QTMAN: variants seen among roughly 807,000 people sequenced by gnomAD.
QTMAN encodes the protein queuosine-tRNA mannosyltransferase, also known as tRNA-queuosine alpha-mannosyltransferase.
At chr2:143,952,007 T>C in the QTMAN span, 2 of 1,585,132 alleles carry the variant, frequency 1.3e-6, no homozygotes, top group Non-Finnish European at 1.7e-6. Context: ...TCTTATAATA[T>C]CTGGTCTCTT....
At chr2:144,006,091 A>T in the QTMAN span, 1 of 152,150 alleles carries the variant, frequency 6.6e-6, no homozygotes, top group South Asian at 2.1e-4. Flanking sequence ...ACTCTGTCAC[A>T]TTCGAAGTAA....
At chr2:144,287,134 G>T in the QTMAN span, among the ~76,000 whole-genome samples, 4 of 152,178 alleles carry the variant, frequency 2.6e-5, no homozygotes, top group African/African-American at 9.7e-5. Context: ...TGACTGCAGA[G>T]ATTAATGATA....
the QTMAN span, among the ~76,000 whole-genome samples, chr2:144,019,470 GTGTGTGTGTGTGTA>G: frequency 1.9e-4 from 28 of 147,024 alleles, no homozygotes; most frequent in East Asian, 3.9e-4. Context: ...GTGTGTGTGT[GTGTGTGTGTGTGTA>G]TGTAGTTTTA....
the QTMAN span, among the ~76,000 whole-genome samples, chr2:144,040,676 T>G: frequency 6.6e-6 from 1 of 152,034 alleles, no homozygotes; most frequent in Admixed American, 6.5e-5. Context: ...AAATAACAGT[T>G]TATGAGGAAA....
chr2:143,957,589 T>A, the QTMAN span, among the ~76,000 whole-genome samples: 1 of 152,080 alleles, frequency 6.6e-6, no homozygotes, highest in African/African-American at 2.4e-5. Flanking sequence ...GTCTGCTTCA[T>A]AAAACTCGCT....
At chr2:144,012,091 C>T in the QTMAN span, among the ~76,000 whole-genome samples, 5 of 152,210 alleles carry the variant, frequency 3.3e-5, no homozygotes, top group African/African-American at 1.2e-4. Flanking sequence ...CAACTCCTTT[C>T]CAACCAATAG....
chr2:144,206,425 T>C, the QTMAN span, among the ~76,000 whole-genome samples: 3 of 152,204 alleles, frequency 2.0e-5, no homozygotes, highest in Admixed American at 6.5e-5. Flanking sequence ...CTTAGTATCA[T>C]GCTATCAAGT....
the QTMAN span, among the ~76,000 whole-genome samples, chr2:144,030,953 C>T: frequency 2.6e-5 from 4 of 152,162 alleles, no homozygotes; most frequent in African/African-American, 7.2e-5. Flanking sequence ...TGTCTTCCTA[C>T]AGCATGAATC....
the QTMAN span, among the ~76,000 whole-genome samples, chr2:144,252,725 T>C: frequency 6.6e-6 from 1 of 152,194 alleles, no homozygotes; most frequent in Non-Finnish European, 1.5e-5. Flanking sequence ...TACCATGCAA[T>C]CCAGCAACTG....
At chr2:144,051,496 AG>A in the QTMAN span, among the ~76,000 whole-genome samples, 4 of 152,146 alleles carry the variant, frequency 2.6e-5, no homozygotes, top group Admixed American at 6.5e-5. Flanking sequence ...CTCCAGCCTG[AG>A]TGACAGTGAG....
At chr2:144,096,407 T>C in the QTMAN span, among the ~76,000 whole-genome samples, 1 of 152,232 alleles carries the variant, frequency 6.6e-6, no homozygotes, top group Non-Finnish European at 1.5e-5. Context: ...CAAAACACCA[T>C]ATGGACCTAA....
At chr2:144,139,840 ATAT>A in the QTMAN span, among the ~76,000 whole-genome samples, 1 of 152,052 alleles carries the variant, frequency 6.6e-6, no homozygotes, top group African/African-American at 2.4e-5. Context: ...AATATCCATT[ATAT>A]TATATAGCGC....
At chr2:144,101,218 A>G in the QTMAN span, among the ~76,000 whole-genome samples, 1 of 152,014 alleles carries the variant, frequency 6.6e-6, no homozygotes, top group Non-Finnish European at 1.5e-5. Flanking sequence ...GCAACAGGGG[A>G]GTTCAAGACA....
chr2:143,987,483 G>GACTT, the QTMAN span, among the ~76,000 whole-genome samples: 1 of 152,188 alleles, frequency 6.6e-6, no homozygotes, highest in Non-Finnish European at 1.5e-5. Flanking sequence ...AGCGTTGCCT[G>GACTT]ACTTTTCCAG....
chr2:144,120,943 GGATCAGCATCTCAGT>G, the QTMAN span, among the ~76,000 whole-genome samples: 1 of 152,082 alleles, frequency 6.6e-6, no homozygotes, highest in Non-Finnish European at 1.5e-5. Context: ...AAGGGTAACG[GGATCAGCATCTCAGT>G]AATAATAGTT....
chr2:144,123,714 T>C, the QTMAN span, among the ~76,000 whole-genome samples: 110 of 152,224 alleles, frequency 7.2e-4, 2 homozygotes, highest in South Asian at 8.3e-3. Flanking sequence ...GCACTATAGA[T>C]TGAAATATGA....
the QTMAN span, among the ~76,000 whole-genome samples, chr2:144,192,400 C>T: frequency 3.5e-3 from 527 of 152,224 alleles, 1 homozygote; most frequent in Non-Finnish European, 4.9e-3. Flanking sequence ...AGCCAATGCA[C>T]CTGGCCTAGT....
chr2:144,269,005 T>C, the QTMAN span, among the ~76,000 whole-genome samples: 9 of 152,250 alleles, frequency 5.9e-5, no homozygotes, highest in African/African-American at 2.2e-4. Context: ...GCCAGGGTGG[T>C]CCCGATCTCC....
At chr2:143,976,906 C>G in the QTMAN span, among the ~76,000 whole-genome samples, 1 of 152,140 alleles carries the variant, frequency 6.6e-6, no homozygotes, top group African/African-American at 2.4e-5. Context: ...AAAGGACAGT[C>G]CAGAAAGAAC....
Sources: allele counts gnomAD v4.1 joint callset (sites outside exome capture counted in the v4.1 genomes callset), GRCh38; gene constraint gnomAD v4.1.1; transcripts MANE v1.5; gene names NCBI Gene and HGNC (gene_info 2026-07-23, HGNC 2026-07-21).